Variants in KIF13A observed in about 807,000 individuals in gnomAD.
KIF13A encodes the protein kinesin family member 13A.
Under a neutral mutation model 212.2 loss-of-function variants are expected in KIF13A, and 79 were observed. The ratio of observed to expected loss-of-function variants is 0.37; its 90% confidence interval spans 0.31 to 0.45. The LOEUF (loss-of-function observed/expected upper bound fraction) is 0.45, where lower values mean the gene tolerates loss of function less well. KIF13A is among the 20% of genes least tolerant of loss of function. The probability of loss-of-function intolerance (pLI) is 1.00; values close to 1 mark genes in which losing one functional copy is unlikely to be tolerated. For missense variants in KIF13A, 1,901 were observed against 2,209.0 expected (o/e 0.86, Z 2.79); for synonymous variants, 789 against 808.6 (o/e 0.98, Z 0.41).
chr6:17,779,146 T>C (rs1385473486), intron 32 of KIF13A, 47 bp from the exon 33 acceptor site: 5 of 1,564,920 alleles, frequency 3.2e-6, no homozygotes, highest in African/African-American at 1.4e-5. Context: ...TGAACAACGT[T>C]TTCATCCAAA....
chr6:17,986,611 T>C (rs1021493950), intron 2 of KIF13A, among the ~76,000 whole-genome samples: 1 of 152,242 alleles, frequency 6.6e-6, no homozygotes, highest in African/African-American at 2.4e-5. Flanking sequence ...AGACACACTG[T>C]CCCTAAACAA....
intron 4 of KIF13A, among the ~76,000 whole-genome samples, chr6:17,857,778 C>T (rs1417597189): frequency 6.6e-6 from 1 of 152,118 alleles, no homozygotes; most frequent in Non-Finnish European, 1.5e-5. Flanking sequence ...GCCTACACTG[C>T]CTGACCCACT....
intron 2 of KIF13A, among the ~76,000 whole-genome samples, chr6:17,940,392 G>C (rs749376914): frequency 6.6e-6 from 1 of 152,152 alleles, no homozygotes; most frequent in Non-Finnish European, 1.5e-5. Context: ...CAAGGGATTC[G>C]AGCATGCAAA....
chr6:17,818,284 C>T (rs1033785527), intron 16 of KIF13A, among the ~76,000 whole-genome samples: 2 of 152,200 alleles, frequency 1.3e-5, no homozygotes, highest in Non-Finnish European at 2.9e-5. Context: ...CACACATTGG[C>T]ACTCAGTTTA....
intron 2 of KIF13A, among the ~76,000 whole-genome samples, chr6:17,945,263 G>C (rs1013361651): frequency 2.0e-5 from 3 of 152,106 alleles, no homozygotes; most frequent in Non-Finnish European, 2.9e-5. Context: ...AGATACAGAA[G>C]AGCACATACT....
chr6:17,924,437 C>T (rs1775326072), intron 2 of KIF13A, among the ~76,000 whole-genome samples: 1 of 152,074 alleles, frequency 6.6e-6, no homozygotes, highest in African/African-American at 2.4e-5. Context: ...GTTTGATGTC[C>T]CTTTTTTTCT....
intron 6 of KIF13A, among the ~76,000 whole-genome samples, 171 bp from the exon 7 acceptor site, chr6:17,852,213 A>G (rs530154449): frequency 3.2e-3 from 484 of 152,352 alleles, no homozygotes; most frequent in Non-Finnish European, 5.8e-3. Context: ...AATGTTTAAC[A>G]TGAGAAATGT....
chr6:17,771,015 A>G lies in KIF13A; in HGVS notation c.4581+99T>C. ...TTTATTTTCTTTAAGACAAAGACCC[A>G]ATACATGTCTTAATTTCTTCTAGCA... On this transcript the variant is annotated intron_variant, in intron 38 of 38. Transcript: ENST00000259711. The surrounding 1 kb of genome is among the most constrained non-coding windows in gnomAD (Gnocchi z 5.4). The G allele has an allele frequency of 2.6e-6, 2 of 776,362 alleles. No homozygotes were observed. The highest frequency in any genetic ancestry group is 2.3e-5 in the Admixed American group (1 of 43,100). 48.1% of individuals were successfully genotyped at this position (776,362 alleles called of 1,614,324 possible).
At chr6:17,852,254 G>A (rs1221778068) in intron 6 of KIF13A, among the ~76,000 whole-genome samples, 1 of 152,150 alleles carries the variant, frequency 6.6e-6, no homozygotes, top group Non-Finnish European at 1.5e-5. Flanking sequence ...TTTAAAGTAT[G>A]TTACTATTTT....
rs143190553 is a variant in KIF13A at position 17,984,387 on chromosome 6, G to A, written c.146+2667C>T. 75 of 307,534 alleles carry A rather than the reference G, an allele frequency of 2.4e-4. No homozygotes were observed. Among genetic ancestry groups the A allele is most frequent in the African/African-American group, 1.6e-3 (73 of 44,276 alleles). 19.1% of individuals were successfully genotyped at this position (307,534 alleles called of 1,614,324 possible). ...ATGGTATTTTAAGAAACAAATCCAT[G>A]TGTCTTAATGTTTCAGAATGGTGAT... On this transcript the variant is annotated intron_variant, in intron 2 of 38. Coordinates refer to ENST00000259711, the MANE Select transcript of KIF13A (RefSeq NM_022113.6). The surrounding 1 kb of genome is among the most constrained non-coding windows in gnomAD (Gnocchi z 5.0).
chr6:17,905,125 A>AT (rs199663499), intron 2 of KIF13A, among the ~76,000 whole-genome samples: 2 of 152,164 alleles, frequency 1.3e-5, no homozygotes, highest in South Asian at 2.1e-4. Flanking sequence ...TTCTTTTGTG[A>AT]TTTTTAAAAA....
intron 32 of KIF13A, 63 bp from the exon 33 acceptor site, chr6:17,779,162 G>A (rs960063811): frequency 2.1e-5 from 30 of 1,427,304 alleles, no homozygotes; most frequent in Non-Finnish European, 2.9e-5. Context: ...CCAAAGTGTG[G>A]TGAGAAAACG....
At chr6:17,958,807 T>C (rs1778561960) in intron 2 of KIF13A, among the ~76,000 whole-genome samples, 1 of 152,092 alleles carries the variant, frequency 6.6e-6, no homozygotes, top group African/African-American at 2.4e-5. Flanking sequence ...CTACTACTTA[T>C]TCAATACATA....
chr6:17,962,284 C>G (rs946091462), intron 2 of KIF13A, among the ~76,000 whole-genome samples: 1 of 151,342 alleles, frequency 6.6e-6, no homozygotes, highest in African/African-American at 2.4e-5. Flanking sequence ...GCACTCCAGT[C>G]TAGATGACAG....
At position 17,771,824 on chromosome 6, in the gene KIF13A, C is replaced by G; in HGVS notation, c.4476+84G>C. On this transcript the variant is annotated intron_variant, in intron 37 of 38. Transcript: ENST00000259711. This position sits in a 1 kb window ranked among gnomAD's most constrained non-coding sequence, Gnocchi z 5.4. Reference sequence around the variant, plus strand: ...TGACCGTGCATGTCCACATGCAGCACTCAGCTTGTTAATGCACACTGCTGC... The same window carrying G: ...TGACCGTGCATGTCCACATGCAGCAGTCAGCTTGTTAATGCACACTGCTGC... The G allele has an allele frequency of 7.5e-7, 1 of 1,342,134 alleles. No homozygotes were observed. Among genetic ancestry groups the G allele is most frequent in the East Asian group, 2.3e-5 (1 of 43,300 alleles). The allele number at this position is 1,342,134 out of a possible 1,614,324, so 83.1% of individuals were successfully genotyped here. A position where few individuals can be genotyped will look rare whatever the true frequency, so the allele number is the denominator to read the frequency against.
intron 16 of KIF13A, among the ~76,000 whole-genome samples, chr6:17,823,699 C>T (rs893047867): frequency 6.6e-6 from 1 of 150,980 alleles, no homozygotes; most frequent in African/African-American, 2.4e-5. Context: ...AACTCCCGGC[C>T]TCAAGTAATC....
rs763389412 is a variant in KIF13A at position 17,775,034 on chromosome 6, C to T, written c.4199G>A (p.Gly1400Asp). 1.2e-6 allele frequency: 2 copies of T among 1,611,888 alleles called. No individual in the cohort carries two copies. Among genetic ancestry groups the T allele is most frequent in the Non-Finnish European group, 8.5e-7 (1 of 1,178,962 alleles). Residue 1400 changes from glycine (G) to aspartate (D), a missense_variant, in exon 35 of 39, where the codon GGC becomes GAC. This residue lies in a region of KIF13A where 687 missense variants were observed against 759.1 expected (regional missense o/e 0.90). Coordinates refer to ENST00000259711, the MANE Select transcript of KIF13A (RefSeq NM_022113.6). Reference protein sequence around the residue: ...NVSSSRPDLSGFDEDDKGWPE... With the variant: ...NVSSSRPDLSDFDEDDKGWPE... The stretch of plus-strand genomic sequence containing the variant: ...GCATACCTTGTCATCTTCATCAAAG[C>T]CAGAAAGGTCCGGTCGGCTGGAAGA...
intron 2 of KIF13A, among the ~76,000 whole-genome samples, chr6:17,911,931 A>AT (rs1217477141): frequency 1.3e-5 from 2 of 151,970 alleles, no homozygotes; most frequent in Non-Finnish European, 1.5e-5. Flanking sequence ...TGCCCAGCTA[A>AT]TTTTTTGTAT....
chr6:17,899,768 C>G lies in KIF13A; in HGVS notation c.147-1588G>C, dbSNP rs1581675389. ...TATCTCTGGCTGCCATCAAGCAAGT[C>G]TCAACATATTTGTATGTCTACCCTT... On this transcript the variant is annotated intron_variant, in intron 2 of 38. Coordinates refer to ENST00000259711, the MANE Select transcript of KIF13A (RefSeq NM_022113.6). The surrounding 1 kb of genome is among the most constrained non-coding windows in gnomAD (Gnocchi z 5.2). 6.6e-6 allele frequency among the ~76,000 whole-genome samples: 1 copy of G among 152,250 alleles called. No homozygotes were observed. Among genetic ancestry groups the G allele is most frequent in the South Asian group, 2.1e-4 (1 of 4,826 alleles).
Sources: gnomAD v4.1 joint callset for allele counts (sites outside exome capture counted in the v4.1 genomes callset) on GRCh38, gnomAD v4.1.1 for gene constraint, gnomAD v4.1.1 regional missense constraint, Gnocchi (gnomAD v3.1) non-coding constraint, MANE v1.5 for transcripts, NCBI Gene and HGNC (gene_info 2026-07-23, HGNC 2026-07-21) for gene names.